Variants in THRB observed in about 807,000 individuals in gnomAD.
THRB encodes nuclear receptor subfamily 1 group A member 2.
Under a neutral mutation model 47.8 loss-of-function variants are expected in THRB, and 12 were observed. That is an observed-to-expected ratio of 0.25 (90% CI 0.16 to 0.41). The LOEUF (loss-of-function observed/expected upper bound fraction) is 0.41, where lower values mean the gene tolerates loss of function less well. Ranked by LOEUF, THRB falls within the 10% of genes least tolerant of loss-of-function variation. The probability of loss-of-function intolerance (pLI) is 1.00; values close to 1 mark genes in which losing one functional copy is unlikely to be tolerated. For missense variants in THRB, 348 were observed against 589.2 expected (o/e 0.59, Z 4.24); for synonymous variants, 218 against 212.2 (o/e 1.03, Z -0.24).
intron 3 of THRB, among the ~76,000 whole-genome samples, chr3:24,251,772 T>C (rs1256436069): frequency 2.0e-5 from 3 of 152,030 alleles, no homozygotes; most frequent in African/African-American, 7.2e-5. Context: ...TTTAAACTGT[T>C]TGAAAGCACA....
At chr3:24,319,843 C>T (rs2058365657) in intron 2 of THRB, among the ~76,000 whole-genome samples, 1 of 152,152 alleles carries the variant, frequency 6.6e-6, no homozygotes. Context: ...GGAAAAAGAT[C>T]AGCACCGAAT....
intron 8 of THRB, 35 bp downstream of exon 8, chr3:24,143,466 T>C (rs1559441523): frequency 6.2e-7 from 1 of 1,600,864 alleles, no homozygotes; most frequent in Admixed American, 1.7e-5. Context: ...AACACTGGCA[T>C]ATAAGTGAAA....
At chr3:24,300,088 G>C (rs554905514) in intron 2 of THRB, among the ~76,000 whole-genome samples, 2 of 152,150 alleles carry the variant, frequency 1.3e-5, no homozygotes, top group East Asian at 1.9e-4. Context: ...ATGCCTGAGG[G>C]AGGGCAGAAC....
intron 4 of THRB, among the ~76,000 whole-genome samples, chr3:24,196,952 C>T (rs1475299985): frequency 6.6e-6 from 1 of 152,240 alleles, no homozygotes; most frequent in East Asian, 1.9e-4. Context: ...ATCCACCCTC[C>T]AAACTTCCAT....
At chr3:24,459,022 A>G (rs1276607604) in intron 1 of THRB, 2 of 151,898 alleles carry the variant, frequency 1.3e-5, no homozygotes, top group African/African-American at 4.8e-5. Flanking sequence ...GTTTTGTTAC[A>G]TAGGTATGCA....
intron 9 of THRB, among the ~76,000 whole-genome samples, chr3:24,130,028 A>T (rs1185770233): frequency 6.6e-6 from 1 of 152,210 alleles, no homozygotes; most frequent in Admixed American, 6.5e-5. Context: ...CTCCATGGGT[A>T]GCTCACGAAC....
intron 1 of THRB, among the ~76,000 whole-genome samples, chr3:24,340,448 T>C (rs1333972904): frequency 1.3e-5 from 2 of 151,912 alleles, no homozygotes; most frequent in African/African-American, 2.4e-5. Flanking sequence ...CTAAATCATA[T>C]GAAGCCTGAG....
intron 5 of THRB, among the ~76,000 whole-genome samples, chr3:24,163,155 C>T (rs1575519311): frequency 6.6e-6 from 1 of 152,088 alleles, no homozygotes; most frequent in Non-Finnish European, 1.5e-5. Context: ...TGGGTACAAC[C>T]TTTTGTCCTA....
intron 4 of THRB, among the ~76,000 whole-genome samples, chr3:24,203,457 C>T (rs1421590190): frequency 6.6e-6 from 1 of 152,176 alleles, no homozygotes; most frequent in Non-Finnish European, 1.5e-5. Flanking sequence ...AGGGTTGTCT[C>T]ATTTCACCCA....
chr3:24,277,587 T>C (rs2054061192), intron 3 of THRB, among the ~76,000 whole-genome samples: 1 of 152,182 alleles, frequency 6.6e-6, no homozygotes, highest in African/African-American at 2.4e-5. Flanking sequence ...ATATTCCCTC[T>C]CAAATCTAAA....
At chr3:24,291,570 C>A (rs1238379590) in intron 3 of THRB, among the ~76,000 whole-genome samples, 1 of 152,078 alleles carries the variant, frequency 6.6e-6, no homozygotes, top group African/African-American at 2.4e-5. Context: ...ATACATAATG[C>A]AATGTAAATG....
chr3:24,283,632 G>C (rs1232660094), intron 3 of THRB, among the ~76,000 whole-genome samples: 41 of 147,008 alleles, frequency 2.8e-4, no homozygotes, highest in Admixed American at 7.4e-4. Flanking sequence ...TAGGAAAAGA[G>C]GAAGTCAAAT....
chr3:24,310,958 G>GTTGAAGAA (rs2057715918), intron 2 of THRB, among the ~76,000 whole-genome samples: 1 of 152,128 alleles, frequency 6.6e-6, no homozygotes, highest in South Asian at 2.1e-4. Flanking sequence ...TATTTCAGAA[G>GTTGAAGAA]CCTTCAACTA....
chr3:24,271,354 TA>T (rs1303893667), intron 3 of THRB, among the ~76,000 whole-genome samples: 1 of 152,030 alleles, frequency 6.6e-6, no homozygotes, highest in Non-Finnish European at 1.5e-5. Context: ...GGAAAGAGAG[TA>T]ATGAAGATAA....
intron 3 of THRB, 112 bp downstream of exon 3, chr3:24,297,114 G>A (rs547706773): frequency 2.6e-5 from 4 of 152,358 alleles, no homozygotes; most frequent in African/African-American, 9.6e-5. Flanking sequence ...TTAGAAAGGA[G>A]ACAATGAATT....
chr3:24,192,555 A>G (rs1479226042), intron 4 of THRB, among the ~76,000 whole-genome samples: 1 of 152,172 alleles, frequency 6.6e-6, no homozygotes, highest in Non-Finnish European at 1.5e-5. Flanking sequence ...GAAATTAAGA[A>G]AAACAGCCAA....
chr3:24,321,658 C>T (rs1052283522), intron 2 of THRB, among the ~76,000 whole-genome samples: 16 of 151,746 alleles, frequency 1.1e-4, no homozygotes, highest in African/African-American at 3.9e-4. Context: ...GAGGAAGGTC[C>T]ACAGTTTTCA....
At chr3:24,286,771 A>C (rs1469030567) in intron 3 of THRB, among the ~76,000 whole-genome samples, 1 of 152,176 alleles carries the variant, frequency 6.6e-6, no homozygotes, top group Non-Finnish European at 1.5e-5. Context: ...CTTCTATGAA[A>C]ACACTATTTT....
chr3:24,307,997 A>T (rs2057478914), intron 2 of THRB, among the ~76,000 whole-genome samples: 1 of 152,200 alleles, frequency 6.6e-6, no homozygotes, highest in African/African-American at 2.4e-5. Flanking sequence ...AATTTTGCCC[A>T]TCCGGCAAAG....
Sources: gnomAD v4.1 joint callset for allele counts (sites outside exome capture counted in the v4.1 genomes callset) on GRCh38, gnomAD v4.1.1 for gene constraint, MANE v1.5 for transcripts, NCBI Gene and HGNC (gene_info 2026-07-23, HGNC 2026-07-21) for gene names.